Variants in SLC5A10 observed in about 807,000 individuals in gnomAD.
SLC5A10 encodes the protein sodium/mannose cotransporter SLC5A10.
A neutral mutation model predicts 68.9 loss-of-function variants in SLC5A10; 55 were observed. The ratio of observed to expected loss-of-function variants is 0.80; its 90% confidence interval spans 0.64 to 1.00. SLC5A10 has a LOEUF of 1.00. Among genes scored for constraint, SLC5A10 ranks in the 50% least tolerant of loss-of-function variants. The pLI, the probability that SLC5A10 is intolerant of heterozygous loss-of-function variation, is 0.00. For synonymous variants in SLC5A10, 344 were observed against 344.8 expected (o/e 1.00, Z 0.02); for missense variants, 732 against 819.3 (o/e 0.89, Z 1.30).
intron 9 of SLC5A10, chr17:18,977,744 G>A: frequency 1.2e-6 from 2 of 1,605,962 alleles, no homozygotes; most frequent in Non-Finnish European, 1.7e-6. Context: ...TGGTGGGGTT[G>A]GCCCGTTGGC....
rs1459931391 is a variant in SLC5A10 at position 19,000,417 on chromosome 17, CCA to C, written c.983-12990_983-12989del. Among the ~76,000 whole-genome samples, 3 of 152,292 alleles carry C rather than the reference CCA, an allele frequency of 2.0e-5. No homozygotes were observed. Among genetic ancestry groups the C allele is most frequent in the East Asian group, 1.9e-4 (1 of 5,188 alleles). On this transcript the variant is annotated intron_variant, in intron 9 of 14. Coordinates refer to ENST00000395645, the MANE Select transcript of SLC5A10 (RefSeq NM_001042450.4). This position sits in a 1 kb window ranked among gnomAD's most constrained non-coding sequence, Gnocchi z 5.2. ...GAGGAGCTGGGGCTTGTTCCAGGTC[CCA>C]CAGTCAGGCAGAGGCAGAGCACGGA... is the stretch of plus-strand genomic sequence containing the variant.
At position 19,015,148 on chromosome 17, in the gene SLC5A10, G is replaced by C; in HGVS notation, c.1190G>C (p.Trp397Ser). The change falls in exon 11 of 15, where the codon TGG becomes TCG. Residue 397 changes from tryptophan to serine, a missense_variant. Physicochemically the swap from Trp to Ser is radical, Grantham distance 177. Coordinates refer to ENST00000395645, the MANE Select transcript of SLC5A10 (RefSeq NM_001042450.4). ...AGCACCCTCTTCACTATGGACATCT[G>C]GAGGCGGCTGCGTCCCCGCTCCGGC... The part of the protein sequence containing the change: ...SSSTLFTMDI[W>S]RRLRPRSGER... 6.2e-7 allele frequency: 1 copy of C among 1,603,748 alleles called. No individual in the cohort carries two copies. Among genetic ancestry groups the C allele is most frequent in the Non-Finnish European group, 8.5e-7 (1 of 1,172,518 alleles).
chr17:18,995,241 A>G (rs2043534088), intron 9 of SLC5A10, among the ~76,000 whole-genome samples: 1 of 152,262 alleles, frequency 6.6e-6, no homozygotes, highest in African/African-American at 2.4e-5. Flanking sequence ...AAAAACAGTT[A>G]TAACTGTGTT....
In SLC5A10 at chr17:18,952,178, C is replaced by T. The variant is rs1184169647; in HGVS notation, c.-28C>T. 2 of 1,605,760 alleles carry T rather than the reference C, an allele frequency of 1.2e-6. No individual in the cohort carries two copies. Among genetic ancestry groups the T allele is most frequent in the South Asian group, 1.1e-5 (1 of 89,764 alleles). The stretch of plus-strand genomic sequence containing the variant: ...GGTTTGCCCCTCAGTCCCTCGGGCT[C>T]ATACCTAGTGCCTGCGGCAGGACAG... On this transcript the variant is annotated 5_prime_UTR_variant, in exon 1 of 15. Transcript: ENST00000395645.
intron 9 of SLC5A10, among the ~76,000 whole-genome samples, chr17:19,002,376 C>T (rs1016521349): frequency 1.3e-5 from 2 of 152,236 alleles, no homozygotes; most frequent in Admixed American, 6.5e-5. Flanking sequence ...GGGGCCAGGG[C>T]CAGGGGCCAC....
At chr17:19,005,187 G>T (rs994399079) in intron 9 of SLC5A10, among the ~76,000 whole-genome samples, 3 of 152,214 alleles carry the variant, frequency 2.0e-5, no homozygotes, top group Non-Finnish European at 4.4e-5. Flanking sequence ...CCCAGGCAGG[G>T]ATAGGGCACT....
At chr17:18,995,607 G>A (rs2152136555) in intron 9 of SLC5A10, among the ~76,000 whole-genome samples, 1 of 152,334 alleles carries the variant, frequency 6.6e-6, no homozygotes, top group Middle Eastern at 3.4e-3. Context: ...TCTACCATTT[G>A]ATTAAAGACT....
At chr17:19,013,953 G>A (rs1037532918) in intron 10 of SLC5A10, among the ~76,000 whole-genome samples, 2 of 152,166 alleles carry the variant, frequency 1.3e-5, no homozygotes, top group African/African-American at 4.8e-5. Context: ...GGGAGTGGGT[G>A]GAGAAATGTT....
At position 19,020,004 on chromosome 17, in the gene SLC5A10, C is replaced by CT. The variant is rs2044230893; in HGVS notation, c.1626+77dup. 1.3e-5 allele frequency: 19 copies of CT among 1,485,736 alleles called. No homozygotes were observed. In the South Asian group the frequency reaches 1.8e-4, roughly 14 times the overall value. 92.0% of individuals were successfully genotyped at this position (1,485,736 alleles called of 1,614,324 possible). ...GTCCCATTCTCATCCCCGACCCACT[C>CT]TGACTCAGAATTTTCTAGCCCTGGA... is the stretch of plus-strand genomic sequence containing the variant. On this transcript the variant is annotated intron_variant, in intron 13 of 14. Coordinates refer to ENST00000395645, the MANE Select transcript of SLC5A10 (RefSeq NM_001042450.4).
chr17:19,014,673 A>C (rs910230276), intron 10 of SLC5A10, among the ~76,000 whole-genome samples: 4 of 152,188 alleles, frequency 2.6e-5, no homozygotes, highest in Admixed American at 2.6e-4. Flanking sequence ...CTCATCTGTC[A>C]AGCGGGTTAA....
intron 9 of SLC5A10, chr17:18,977,280 C>G: frequency 1.7e-6 from 1 of 580,680 alleles, no homozygotes; most frequent in Non-Finnish European, 3.0e-6. Context: ...TGCCACCCAT[C>G]TGGCAGGTGC....
rs2043822611 is a variant in SLC5A10, at chr17:19,004,361, G to A, written c.983-9049G>A. On this transcript the variant is annotated intron_variant, in intron 9 of 14. Transcript: ENST00000395645. This position sits in a 1 kb window ranked among gnomAD's most constrained non-coding sequence, Gnocchi z 5.4. The stretch of plus-strand genomic sequence containing the variant: ...GGATCGGAACAGCGGTGAGGGAGCG[G>A]TGGGCCACGTCCCAGGGCTCAGCGT... 7.5e-6 allele frequency: 2 copies of A among 267,860 alleles called. No homozygotes were observed. Among genetic ancestry groups the A allele is most frequent in the South Asian group, 6.9e-5 (1 of 14,532 alleles). 16.6% of individuals were successfully genotyped at this position (267,860 alleles called of 1,614,324 possible). A position where few individuals can be genotyped will look rare whatever the true frequency, so the allele number is the denominator to read the frequency against.
At chr17:19,016,535 G>A (rs1210127702) in intron 11 of SLC5A10, among the ~76,000 whole-genome samples, 3 of 152,158 alleles carry the variant, frequency 2.0e-5, no homozygotes, top group Non-Finnish European at 2.9e-5. Flanking sequence ...ACCCATCCTG[G>A]GGGTGGGGTC....
chr17:18,988,166 A>G, intron 9 of SLC5A10: 1 of 1,550,000 alleles, frequency 6.5e-7, no homozygotes, highest in African/African-American at 1.3e-5. Context: ...CGTCCAGAGC[A>G]GGCAGGTACT....
Position 18,988,557 on chromosome 17 carries a change from G to A in SLC5A10, c.982+11568G>A. 7.2e-6 allele frequency: 10 copies of A among 1,384,860 alleles called. No individual in the cohort carries two copies. The South Asian group carries it at 1.3e-4, about 18-fold the overall frequency. 85.8% of individuals were successfully genotyped at this position (1,384,860 alleles called of 1,614,324 possible). A position where few individuals can be genotyped will look rare whatever the true frequency, so the allele number is the denominator to read the frequency against. ...CCTACTCCTGGAGCCTCAGGCCCGG[G>A]ACCAGGAAGTGAGGGGCCAGGGGCC... On this transcript the variant is annotated intron_variant, in intron 9 of 14. Transcript: ENST00000395645.
intron 1 of SLC5A10, among the ~76,000 whole-genome samples, chr17:18,955,085 CAAAA>C (rs398041580): frequency 2.5e-5 from 3 of 118,808 alleles, no homozygotes; most frequent in African/African-American, 3.3e-5. Context: ...AACACTGTAT[CAAAA>C]AAAAAAAAAA....
At chr17:18,957,065 C>T (rs2042518913) in intron 1 of SLC5A10, among the ~76,000 whole-genome samples, 1 of 152,152 alleles carries the variant, frequency 6.6e-6, no homozygotes, top group Non-Finnish European at 1.5e-5. Context: ...AGGAGAACCG[C>T]TCGAACCCGG....
At chr17:18,977,738 G>T in intron 9 of SLC5A10, 1 of 1,607,124 alleles carries the variant, frequency 6.2e-7, no homozygotes. Context: ...GCGCGGTGGT[G>T]GGGTTGGCCC....
intron 9 of SLC5A10, among the ~76,000 whole-genome samples, chr17:18,993,938 G>A (rs1391345586): frequency 2.0e-5 from 3 of 152,116 alleles, no homozygotes; most frequent in Non-Finnish European, 2.9e-5. Context: ...ATCCACAAAC[G>A]GCAGCTGCAC....
Sources: gnomAD v4.1 joint callset for allele counts (sites outside exome capture counted in the v4.1 genomes callset) on GRCh38, gnomAD v4.1.1 for gene constraint, Gnocchi (gnomAD v3.1) non-coding constraint, MANE v1.5 for transcripts, NCBI Gene and HGNC (gene_info 2026-07-23, HGNC 2026-07-21) for gene names.